Variants in ENOX2 observed in about 807,000 individuals in gnomAD.
ENOX2 encodes the protein ecto-NOX disulfide-thiol exchanger 2.
Under a neutral mutation model 45.0 loss-of-function variants are expected in ENOX2, and 36 were observed. The observed-to-expected ratio is 0.80, with a 90% CI of 0.61 to 1.06. The LOEUF (loss-of-function observed/expected upper bound fraction) is 1.06. Ranked by LOEUF, ENOX2 falls within the 50% of genes least tolerant of loss-of-function variation. The pLI is 0.00. For synonymous variants in ENOX2, 174 were observed against 152.3 expected, an observed-to-expected ratio of 1.14 and a Z score of -1.05; for missense variants, 423 against 462.5, an observed-to-expected ratio of 0.91 and a Z score of 0.78.
At position 130,894,579 on chromosome X, in the gene ENOX2, A is replaced by ATAACAT. The variant is rs377637850; in HGVS notation, c.-183+7104_-183+7105insATGTTA. Among the ~76,000 whole-genome samples, 536 of 110,397 alleles carry ATAACAT rather than the reference A, an allele frequency of 4.9e-3. 2 individuals carry two copies. Among genetic ancestry groups the ATAACAT allele is most frequent in the African/African-American group, 0.017 (513 of 30,304 alleles). On this transcript the variant is annotated intron_variant, in intron 2 of 14. Transcript: ENST00000394363. ...TTGAAAGTATTTCAAAATAAAAATA[A>ATAACAT]TAAAAAAAAAGAAAGTGGACTTCAT...
intron 7 of ENOX2, among the ~76,000 whole-genome samples, chrX:130,668,447 CCT>C (rs2036895366): frequency 8.9e-6 from 1 of 112,080 alleles, no homozygotes; most frequent in Admixed American, 9.4e-5. Flanking sequence ...TTCTCCACAT[CCT>C]TTTTTCTCTT....
intron 2 of ENOX2, among the ~76,000 whole-genome samples, chrX:130,792,286 C>T (rs2077055448): frequency 9.0e-6 from 1 of 111,730 alleles, no homozygotes; most frequent in South Asian, 3.8e-4. Context: ...AGGATCAAGA[C>T]AAATAACTAA....
chrX:130,786,508 G>C (rs746241439), intron 2 of ENOX2, among the ~76,000 whole-genome samples: 2 of 94,469 alleles, frequency 2.1e-5, no homozygotes, highest in Non-Finnish European at 4.2e-5. Flanking sequence ...ACCCACTAAC[G>C]TGTCATCTAG....
chrX:130,859,919 T>G (rs1263438899), intron 2 of ENOX2, among the ~76,000 whole-genome samples: 1 of 111,424 alleles, frequency 9.0e-6, no homozygotes, highest in Non-Finnish European at 1.9e-5. Flanking sequence ...CTGGCCATTC[T>G]TTCTCAGTTT....
chrX:130,654,447 A>T (rs1165840150), intron 10 of ENOX2, among the ~76,000 whole-genome samples: 1 of 110,553 alleles, frequency 9.0e-6, no homozygotes, highest in African/African-American at 3.3e-5. Flanking sequence ...GAGGGAAAAA[A>T]AAAAAACAAC....
chrX:130,767,663 A>G (rs1351299014), intron 3 of ENOX2, among the ~76,000 whole-genome samples: 1 of 112,251 alleles, frequency 8.9e-6, no homozygotes, highest in Non-Finnish European at 1.9e-5. Flanking sequence ...GTGCTATAAG[A>G]GAAAAATGCT....
chrX:130,742,329 T>C (rs945601908), intron 3 of ENOX2, among the ~76,000 whole-genome samples: 2 of 98,738 alleles, frequency 2.0e-5, no homozygotes, highest in African/African-American at 3.7e-5. Context: ...AACTGCCTTA[T>C]AAAAAAGATG....
At chrX:130,696,006 A>T (rs1308994659) in intron 4 of ENOX2, among the ~76,000 whole-genome samples, 1 of 111,387 alleles carries the variant, frequency 9.0e-6, no homozygotes, top group Non-Finnish European at 1.9e-5. Context: ...ATGACTCTCA[A>T]ATTCTACCTA....
intron 2 of ENOX2, among the ~76,000 whole-genome samples, chrX:130,851,691 A>G (rs186177792): frequency 2.7e-5 from 3 of 111,866 alleles, no homozygotes; most frequent in African/African-American, 9.7e-5. Flanking sequence ...TAGACAGCCC[A>G]GTCAATGTGT....
chrX:130,786,713 T>C (rs1197668790), intron 2 of ENOX2, among the ~76,000 whole-genome samples: 7 of 87,260 alleles, frequency 8.0e-5, no homozygotes, highest in Non-Finnish European at 1.6e-4. Flanking sequence ...TTCATCCATG[T>C]CCCTACAAAG....
At chrX:130,741,812 G>A (rs1226660560) in intron 3 of ENOX2, among the ~76,000 whole-genome samples, 1 of 111,510 alleles carries the variant, frequency 9.0e-6, no homozygotes, top group Non-Finnish European at 1.9e-5. Context: ...GAGAGACGGA[G>A]AACAATGCAA....
chrX:130,640,143 T>C (rs2036040144), intron 10 of ENOX2, among the ~76,000 whole-genome samples: 1 of 111,600 alleles, frequency 9.0e-6, no homozygotes, highest in Non-Finnish European at 1.9e-5. Flanking sequence ...TCATGAAGGC[T>C]CTGCCCTTAT....
intron 2 of ENOX2, among the ~76,000 whole-genome samples, chrX:130,883,794 T>C (rs2078859141): frequency 9.0e-6 from 1 of 111,375 alleles, no homozygotes; most frequent in Admixed American, 9.5e-5. Flanking sequence ...CGACTCAACT[T>C]CAGCTCCCTG....
At chrX:130,729,351 T>C (rs1027554521) in intron 3 of ENOX2, among the ~76,000 whole-genome samples, 2 of 112,319 alleles carry the variant, frequency 1.8e-5, no homozygotes, top group African/African-American at 6.5e-5. Context: ...CAGGATGTTT[T>C]CCAAATATCA....
chrX:130,748,797 G>A (rs2039151790), intron 3 of ENOX2, among the ~76,000 whole-genome samples: 1 of 111,846 alleles, frequency 8.9e-6, no homozygotes, highest in African/African-American at 3.3e-5. Flanking sequence ...TTAGTTGCTT[G>A]ATGCCCTGGA....
intron 2 of ENOX2, among the ~76,000 whole-genome samples, chrX:130,798,862 A>G (rs1309456031): frequency 8.9e-6 from 1 of 112,206 alleles, no homozygotes; most frequent in Non-Finnish European, 1.9e-5. Context: ...CACTGCAACT[A>G]TAACACCATT....
intron 3 of ENOX2, among the ~76,000 whole-genome samples, chrX:130,759,941 T>C (rs1304751190): frequency 2.7e-5 from 3 of 111,734 alleles, no homozygotes; most frequent in African/African-American, 9.7e-5. Context: ...ATGAACATAA[T>C]GTGTTACTCC....
At chrX:130,902,262 T>C (rs781021538) in intron 1 of ENOX2, among the ~76,000 whole-genome samples, 7 of 111,967 alleles carry the variant, frequency 6.3e-5, no homozygotes, top group East Asian at 2.8e-4. Flanking sequence ...TAAATGTTTG[T>C]CAACATTAGT....
chrX:130,689,091 G>A (rs1370894672), intron 4 of ENOX2, 73 bp from the exon 5 acceptor site: 1 of 950,758 alleles, frequency 1.1e-6, no homozygotes, highest in African/African-American at 2.0e-5. Context: ...TACTTTGTAA[G>A]CTTCAAATCA....
Sources: allele counts gnomAD v4.1 joint callset (sites outside exome capture counted in the v4.1 genomes callset), GRCh38; gene constraint gnomAD v4.1.1; transcripts MANE v1.5; gene names NCBI Gene and HGNC (gene_info 2026-07-23, HGNC 2026-07-21).